The following WDFY4 variants were observed in gnomAD, a reference collection of about 807,000 sequenced individuals.
WDFY4 encodes WD repeat- and FYVE domain-containing protein 4.
Under a neutral mutation model 351.9 loss-of-function variants are expected in WDFY4, and 169 were observed. That is an observed-to-expected ratio of 0.48 (90% confidence interval 0.42 to 0.55). WDFY4 has a LOEUF of 0.55. Among genes scored for constraint, WDFY4 ranks in the 20% least tolerant of loss-of-function variants. The pLI is 0.00. For synonymous variants in WDFY4, 1,622 were observed against 1,574.6 expected (o/e 1.03, Z -0.71); for missense variants, 3,803 against 3,935.6 (o/e 0.97, Z 0.90).
intron 44 of WDFY4, among the ~76,000 whole-genome samples, chr10:48,891,408 T>A (rs193154209): frequency 1.0e-3 from 157 of 152,390 alleles, no homozygotes; most frequent in Non-Finnish European, 1.8e-3. Context: ...AATTCTCCTG[T>A]GTTTATGAAG....
intron 2 of WDFY4, among the ~76,000 whole-genome samples, chr10:48,710,508 C>T (rs1299608036): frequency 1.3e-5 from 2 of 152,192 alleles, no homozygotes; most frequent in Non-Finnish European, 2.9e-5. Flanking sequence ...CAGTTAGCTT[C>T]TGAGTAATAC....
chr10:48,800,062 T>C (rs1026472241), intron 24 of WDFY4, among the ~76,000 whole-genome samples: 6 of 152,030 alleles, frequency 3.9e-5, no homozygotes, highest in Non-Finnish European at 7.4e-5. Flanking sequence ...ATTTTTGTAT[T>C]TGTAGTAGAG....
At position 48,824,407 on chromosome 10, in the gene WDFY4, T is replaced by A. The variant is rs974101724; in HGVS notation, c.5982+1870T>A. Among the ~76,000 whole-genome samples, 27 of 152,374 alleles carry A rather than the reference T, an allele frequency of 1.8e-4. 1 individual carries two copies. The highest frequency in any genetic ancestry group is 3.7e-4 in the Non-Finnish European group (25 of 68,038). On this transcript the variant is annotated intron_variant, in intron 35 of 61. Coordinates refer to ENST00000325239, the MANE Select transcript of WDFY4 (RefSeq NM_001394531.1). ...TTAATAATGACACATAGCTATTTTT[T>A]AAATTAGATACTACTAATAGCATGT...
At position 48,689,321 on chromosome 10, in the gene WDFY4, A is replaced by G. The variant is rs1230099862; in HGVS notation, c.-18+4320A>G. Reference sequence around the variant, plus strand: ...CACTCCTTAAAAACTTAAATATCAAAGTCTAGACCTTTGTTATCCAATACA... The same window carrying G: ...CACTCCTTAAAAACTTAAATATCAAGGTCTAGACCTTTGTTATCCAATACA... On this transcript the variant is annotated intron_variant, in intron 1 of 61. Coordinates refer to ENST00000325239, the MANE Select transcript of WDFY4 (RefSeq NM_001394531.1). 2.0e-5 allele frequency among the ~76,000 whole-genome samples: 3 copies of G among 152,200 alleles called. No individual in the cohort carries two copies. The East Asian group carries it at 5.8e-4, about 29-fold the overall frequency.
chr10:48,918,739 G>A (rs929580745), intron 47 of WDFY4, among the ~76,000 whole-genome samples: 1 of 133,278 alleles, frequency 7.5e-6, no homozygotes, highest in Non-Finnish European at 1.7e-5. Flanking sequence ...GTAATTATTT[G>A]TTGTCAGCAG....
rs548924670 is a variant in WDFY4, at chr10:48,837,295, A to G, written c.6663+4586A>G. The stretch of plus-strand genomic sequence containing the variant: ...AGAGCTCTCGGGCAGGGAGAAGGCC[A>G]GAGACATAACAGGTGGTAAGAAAGG... On this transcript the variant is annotated intron_variant, in intron 39 of 61. Transcript: ENST00000325239. Among the ~76,000 whole-genome samples the G allele has an allele frequency of 2.0e-5, 3 of 152,108 alleles. No homozygotes were observed. In the East Asian group the frequency reaches 5.8e-4, roughly 30 times the overall value.
intron 39 of WDFY4, among the ~76,000 whole-genome samples, chr10:48,849,383 T>C (rs908752616): frequency 6.6e-6 from 1 of 152,234 alleles, no homozygotes; most frequent in Non-Finnish European, 1.5e-5. Context: ...TTTCCACCAT[T>C]TTGTACATCA....
At chr10:48,952,871 A>C (rs1404224038) in intron 51 of WDFY4, among the ~76,000 whole-genome samples, 1 of 152,198 alleles carries the variant, frequency 6.6e-6, no homozygotes, top group Non-Finnish European at 1.5e-5. Context: ...TAGCTTATTC[A>C]GTAGCGTGTC....
chr10:48,807,169 T>C (rs982647461), intron 27 of WDFY4, among the ~76,000 whole-genome samples: 1 of 152,114 alleles, frequency 6.6e-6, no homozygotes, highest in Admixed American at 6.5e-5. Context: ...TATGGCGTGG[T>C]GTATGCCCTG....
In WDFY4 at chr10:48,975,001, A is replaced by T; in HGVS notation, c.9068A>T (p.His3023Leu). ...ACCCACGTGACCCGCCTGCCCGCCC[A>T]TCGGGAAGGCATCTCAGCCATCACC... ...HLTHVTRLPAHREGISAITIS... is the reference protein window; with the variant it reads ...HLTHVTRLPALREGISAITIS... Residue 3023 changes from histidine (H) to leucine (L), a missense_variant, in exon 58 of 62, where the codon CAT becomes CTT. Transcript: ENST00000325239. 6.4e-7 allele frequency: 1 copy of T among 1,551,618 alleles called. No individual in the cohort carries two copies. The highest frequency in any genetic ancestry group is 8.7e-7 in the Non-Finnish European group (1 of 1,146,990).
At chr10:48,777,537 A>T (rs1329786404) in intron 17 of WDFY4, 42 bp downstream of exon 17, 2 of 1,511,486 alleles carry the variant, frequency 1.3e-6, no homozygotes, top group East Asian at 4.9e-5. Context: ...CATCCCTTCC[A>T]AAGTATGAGT....
At chr10:48,822,568 G>T in intron 35 of WDFY4, 31 bp downstream of exon 35, 1 of 1,487,856 alleles carries the variant, frequency 6.7e-7, no homozygotes, top group South Asian at 1.4e-5. Context: ...GGGTATCTGT[G>T]TGGATCTGAA....
intron 1 of WDFY4, among the ~76,000 whole-genome samples, chr10:48,689,202 A>G (rs953895447): frequency 3.9e-5 from 6 of 152,204 alleles, no homozygotes; most frequent in African/African-American, 1.4e-4. Context: ...AGGGGCTTGC[A>G]TTTGTAATCT....
chr10:48,871,475 T>C (rs1398041342), intron 40 of WDFY4, among the ~76,000 whole-genome samples: 4 of 143,794 alleles, frequency 2.8e-5, no homozygotes, highest in African/African-American at 1.1e-4. Context: ...GCCCCCCCCT[T>C]TTTTTTTTTT....
At chr10:48,866,330 T>C (rs1278760938) in intron 39 of WDFY4, among the ~76,000 whole-genome samples, 2 of 152,220 alleles carry the variant, frequency 1.3e-5, no homozygotes, top group Non-Finnish European at 2.9e-5. Context: ...GATTTCTTCT[T>C]TGACCCATTA....
chr10:48,958,386 G>C (rs1412505248), intron 52 of WDFY4, among the ~76,000 whole-genome samples: 2 of 152,190 alleles, frequency 1.3e-5, no homozygotes. Flanking sequence ...CTCAGGGAGG[G>C]TGGCAGCCAG....
Position 48,729,573 on chromosome 10 carries a change from C to T in WDFY4, c.1113C>T (p.Phe371=). 3.2e-6 allele frequency: 5 copies of T among 1,551,680 alleles called. No homozygotes were observed. The highest frequency in any genetic ancestry group is 4.4e-6 in the Non-Finnish European group (5 of 1,146,984). The part of the protein sequence containing the change: ...ITYPQLEGFK[F]HHEASGVTVK... ...ACCCTCAGCTTGAAGGCTTCAAGTTCCATCATGAGGCATCTGGTGAGTCTT... is the reference window on the plus strand; with the variant it reads ...ACCCTCAGCTTGAAGGCTTCAAGTTTCATCATGAGGCATCTGGTGAGTCTT... Residue 371 remains phenylalanine (F), a synonymous_variant, in exon 8 of 62, where the codon TTC becomes TTT. Coordinates refer to ENST00000325239, the MANE Select transcript of WDFY4 (RefSeq NM_001394531.1).
chr10:48,697,820 C>G (rs74326539), intron 1 of WDFY4, among the ~76,000 whole-genome samples: 2 of 152,324 alleles, frequency 1.3e-5, no homozygotes, highest in East Asian at 3.9e-4. Flanking sequence ...AATGCCAGGT[C>G]TAACCATGCT....
At chr10:48,697,661 T>C (rs769499672) in intron 1 of WDFY4, among the ~76,000 whole-genome samples, 5 of 152,176 alleles carry the variant, frequency 3.3e-5, no homozygotes, top group Non-Finnish European at 7.3e-5. Flanking sequence ...CTAACCAGAG[T>C]GATCATGGCC....
Sources: allele counts gnomAD v4.1 joint callset (sites outside exome capture counted in the v4.1 genomes callset), GRCh38; gene constraint gnomAD v4.1.1; transcripts MANE v1.5; gene names NCBI Gene and HGNC (gene_info 2026-07-23, HGNC 2026-07-21).